The following KLF4 variants were observed in gnomAD, a reference collection of about 807,000 sequenced individuals.
The protein encoded by KLF4 is KLF transcription factor 4.
A neutral mutation model predicts 38.0 loss-of-function variants in KLF4; 14 were observed. That is an observed-to-expected ratio of 0.37 (90% CI 0.24 to 0.58). KLF4 has a LOEUF of 0.58. Among genes scored for constraint, KLF4 ranks in the 20% least tolerant of loss-of-function variants. KLF4 has a pLI of 0.76. For missense variants in KLF4, 737 were observed against 670.1 expected (o/e 1.10, Z -1.10); for synonymous variants, 398 against 302.5 (o/e 1.32, Z -3.28).
chr9:107,487,138 C>CT lies in KLF4; in HGVS notation c.1153dup (p.Arg385LysfsTer15). The CT allele has an allele frequency of 6.2e-7, 1 of 1,614,204 alleles. No individual in the cohort carries two copies. The highest frequency in any genetic ancestry group is 8.5e-7 in the Non-Finnish European group (1 of 1,180,044). On this transcript the variant is annotated frameshift_variant, in exon 4 of 5. Transcript: ENST00000374672. LOFTEE classifies it high-confidence loss of function. This position sits in a 1 kb window ranked among gnomAD's most constrained non-coding sequence, Gnocchi z 6.1. ...GGTCCTTTTCCGGGGCCACGATCGTCTTCCCCTCTTTGGCTTGGGCTCCTC... is the reference window on the plus strand; with the variant it reads ...GGTCCTTTTCCGGGGCCACGATCGTCTTTCCCCTCTTTGGCTTGGGCTCCTC...
chr9:107,487,196 G>A lies in KLF4; in HGVS notation c.1100-4C>T, dbSNP rs778152683. The A allele has an allele frequency of 1.9e-6, 3 of 1,613,834 alleles. No homozygotes were observed. The highest frequency in any genetic ancestry group is 3.3e-5 in the Admixed American group (2 of 60,000). ...CAGGAACCGGGTGGCATGAGCTCTA[G>A]GGGTGAAGAAGGTGGGGTGAGCATC... On this transcript the variant is annotated splice_region_variant and splice_polypyrimidine_tract_variant and intron_variant, in intron 3 of 4. Transcript: ENST00000374672. This position sits in a 1 kb window ranked among gnomAD's most constrained non-coding sequence, Gnocchi z 6.1.
Position 107,488,509 on chromosome 9 carries a change from G to C in KLF4, c.127-242C>G. 1 of 651,162 alleles carries C rather than the reference G, an allele frequency of 1.5e-6. No homozygotes were observed. Among genetic ancestry groups the C allele is most frequent in the Admixed American group, 3.5e-5 (1 of 28,646 alleles). The allele number at this position is 651,162 out of a possible 1,614,324, so 40.3% of individuals were successfully genotyped here. A position where few individuals can be genotyped will look rare whatever the true frequency, so the allele number is the denominator to read the frequency against. On this transcript the variant is annotated intron_variant, in intron 2 of 4. Coordinates refer to ENST00000374672, the MANE Select transcript of KLF4 (RefSeq NM_004235.6). The surrounding 1 kb of genome is among the most constrained non-coding windows in gnomAD (Gnocchi z 5.7). ...TCTGCCCAATTGCGTGTGAGCGAGC[G>C]CCGCGGCTGGTCCCTCCCCCTCCAG...
In KLF4 at chr9:107,485,768, T is replaced by A. The variant is rs761541812; in HGVS notation, c.1423A>T (p.Met475Leu). The A allele has an allele frequency of 1.9e-6, 3 of 1,595,688 alleles. No homozygotes were observed. ...FSRSDHLALH[M>L]KRHF is the part of the protein sequence containing the mutation. ...TCTGGGATTTAAAAATGCCTCTTCA[T>A]GTGTAAGGCGAGGTGGTCCGACCTG... is the stretch of plus-strand genomic sequence containing the variant. Residue 475 changes from methionine to leucine, a missense_variant, in exon 5 of 5, where the codon ATG becomes TTG. Physicochemically the swap from Met to Leu is conservative, Grantham distance 15. This residue lies in a region of KLF4 where 42 missense variants were observed against 115.5 expected (regional missense o/e 0.36). Coordinates refer to ENST00000374672, the MANE Select transcript of KLF4 (RefSeq NM_004235.6). The surrounding 1 kb of genome is among the most constrained non-coding windows in gnomAD (Gnocchi z 4.9).
Position 107,488,778 on chromosome 9 carries a change from C to T in KLF4, c.126+152G>A. On this transcript the variant is annotated intron_variant, in intron 2 of 4. Coordinates refer to ENST00000374672, the MANE Select transcript of KLF4 (RefSeq NM_004235.6). This position sits in a 1 kb window ranked among gnomAD's most constrained non-coding sequence, Gnocchi z 5.7. Reference sequence around the variant, plus strand: ...CGGGCATACACAGCTGAGCCAAGGACACGGAAGCTATCCCGGGAAGGTTGC... The same window carrying T: ...CGGGCATACACAGCTGAGCCAAGGATACGGAAGCTATCCCGGGAAGGTTGC... The T allele has an allele frequency of 1.7e-6, 2 of 1,147,902 alleles. No homozygotes were observed. Among genetic ancestry groups the T allele is most frequent in the East Asian group, 5.3e-5 (2 of 38,092 alleles). The allele number at this position is 1,147,902 out of a possible 1,614,324, so 71.1% of individuals were successfully genotyped here.
At position 107,487,286 on chromosome 9, in the gene KLF4, G is replaced by A. The variant is rs1383325399; in HGVS notation, c.1099+9C>T. 5.7e-6 allele frequency: 9 copies of A among 1,591,288 alleles called. No homozygotes were observed. The highest frequency in any genetic ancestry group is 1.3e-5 in the African/African-American group (1 of 74,630). On this transcript the variant is annotated intron_variant, in intron 3 of 4. Coordinates refer to ENST00000374672, the MANE Select transcript of KLF4 (RefSeq NM_004235.6). The surrounding 1 kb of genome is among the most constrained non-coding windows in gnomAD (Gnocchi z 6.1). ...TCCCCAGCCCGAGCTACAAATCCCC[G>A]GGACTGACCTTGGTAATGGAGCGGC...
chr9:107,488,472 T>A lies in KLF4; in HGVS notation c.127-205A>T. 1 of 885,742 alleles carries A rather than the reference T, an allele frequency of 1.1e-6. No homozygotes were observed. Among genetic ancestry groups the A allele is most frequent in the Non-Finnish European group, 1.7e-6 (1 of 602,894 alleles). 54.9% of individuals were successfully genotyped at this position (885,742 alleles called of 1,614,324 possible). A position where few individuals can be genotyped will look rare whatever the true frequency, so the allele number is the denominator to read the frequency against. Reference sequence around the variant, plus strand: ...AGAGGTGATGCGTCTGTATTGCGGGTGTTATGTCCTGTCTGCCCAATTGCG... The same window carrying A: ...AGAGGTGATGCGTCTGTATTGCGGGAGTTATGTCCTGTCTGCCCAATTGCG... On this transcript the variant is annotated intron_variant, in intron 2 of 4. Coordinates refer to ENST00000374672, the MANE Select transcript of KLF4 (RefSeq NM_004235.6). This position sits in a 1 kb window ranked among gnomAD's most constrained non-coding sequence, Gnocchi z 5.7.
intron 4 of KLF4, among the ~76,000 whole-genome samples, chr9:107,486,416 G>A (rs1829064168): frequency 1.3e-5 from 2 of 151,848 alleles, no homozygotes; most frequent in Non-Finnish European, 2.9e-5. Flanking sequence ...CATTGACATG[G>A]AAATGCTCTG....
chr9:107,488,551 C>T lies in KLF4; in HGVS notation c.127-284G>A, dbSNP rs1425457752. The T allele has an allele frequency of 6.1e-6, 3 of 495,622 alleles. No individual in the cohort carries two copies. The highest frequency in any genetic ancestry group is 1.0e-5 in the Non-Finnish European group (3 of 285,836). 30.7% of individuals were successfully genotyped at this position (495,622 alleles called of 1,614,324 possible). On this transcript the variant is annotated intron_variant, in intron 2 of 4. Coordinates refer to ENST00000374672, the MANE Select transcript of KLF4 (RefSeq NM_004235.6). This position sits in a 1 kb window ranked among gnomAD's most constrained non-coding sequence, Gnocchi z 5.7. ...CCCCTCCAGGTCCCGTGGACGTCCC[C>T]GGAATTGGCACACCGAGGCTCTCTC...
rs1059913 is a variant in KLF4 at position 107,487,450 on chromosome 9, G to A, written c.944C>T (p.Thr315Ile). The A allele has an allele frequency of 5.2e-6, 8 of 1,531,588 alleles. No homozygotes were observed. In the African/African-American group the frequency reaches 9.7e-5, roughly 18 times the overall value. The allele number at this position is 1,531,588 out of a possible 1,614,324, so 94.9% of individuals were successfully genotyped here. A position where few individuals can be genotyped will look rare whatever the true frequency, so the allele number is the denominator to read the frequency against. Residue 315 changes from threonine to isoleucine, a missense_variant, in exon 3 of 5, where the codon ACT becomes ATT. Physicochemically the swap from Thr to Ile is moderately conservative, Grantham distance 89. Transcript: ENST00000374672. The surrounding 1 kb of genome is among the most constrained non-coding windows in gnomAD (Gnocchi z 6.1). ...FPLGRQLPSR[T>I]TPTLGLEEVL... The stretch of plus-strand genomic sequence containing the variant: ...TTCCTCAAGACCCAGGGTCGGGGTA[G>A]TCCTGCTGGGGAGCTGCCGCCCCAG...
chr9:107,488,838 C>G lies in KLF4; in HGVS notation c.126+92G>C, dbSNP rs1038242376. 20 of 1,474,420 alleles carry G rather than the reference C, an allele frequency of 1.4e-5. No individual in the cohort carries two copies. The highest frequency in any genetic ancestry group is 1.8e-5 in the Non-Finnish European group (20 of 1,099,730). 91.3% of individuals were successfully genotyped at this position (1,474,420 alleles called of 1,614,324 possible). On this transcript the variant is annotated intron_variant, in intron 2 of 4. Transcript: ENST00000374672. This position sits in a 1 kb window ranked among gnomAD's most constrained non-coding sequence, Gnocchi z 5.7. ...GCGGTGGCCGCTCCTTACCCTCGTT[C>G]AGTGGCTCTTGGTGACCCCAAGGCT...
At position 107,489,206 on chromosome 9, in the gene KLF4, G is replaced by C; in HGVS notation, c.-34C>G. 1 of 1,468,484 alleles carries C rather than the reference G, an allele frequency of 6.8e-7. No homozygotes were observed. The highest frequency in any genetic ancestry group is 9.0e-7 in the Non-Finnish European group (1 of 1,107,212). The allele number at this position is 1,468,484 out of a possible 1,614,324, so 91.0% of individuals were successfully genotyped here. On this transcript the variant is annotated 5_prime_UTR_variant, in exon 1 of 5. Coordinates refer to ENST00000374672, the MANE Select transcript of KLF4 (RefSeq NM_004235.6). ...GGGCCCAGAAGGTCCTCGGCAGCCC[G>C]AAGCAGCTGGGGCACCTGAACCCCA...
At chr9:107,486,276 G>C (rs1829061411) in intron 4 of KLF4, among the ~76,000 whole-genome samples, 1 of 152,052 alleles carries the variant, frequency 6.6e-6, no homozygotes, top group Non-Finnish European at 1.5e-5. Context: ...ATTGTGATTG[G>C]TAGTGTGCCC....
rs759245084 is a variant in KLF4, at chr9:107,487,827, G to A, written c.567C>T (p.Asp189=). ...PPPTAPFNLA[D]INDVSPSGGF... is the part of the protein sequence containing the mutation. Reference sequence around the variant, plus strand: ...CGCCCGAGGGGCTCACGTCGTTGATGTCCGCCAGGTTGAAGGGAGCCGTCG... The same window carrying A: ...CGCCCGAGGGGCTCACGTCGTTGATATCCGCCAGGTTGAAGGGAGCCGTCG... The change falls in exon 3 of 5, where the codon GAC becomes GAT. Residue 189 remains aspartate, a synonymous_variant. Coordinates refer to ENST00000374672, the MANE Select transcript of KLF4 (RefSeq NM_004235.6). This position sits in a 1 kb window ranked among gnomAD's most constrained non-coding sequence, Gnocchi z 6.1. The A allele has an allele frequency of 2.6e-6, 4 of 1,528,544 alleles. No homozygotes were observed. The highest frequency in any genetic ancestry group is 3.5e-6 in the Non-Finnish European group (4 of 1,135,354). 94.7% of individuals were successfully genotyped at this position (1,528,544 alleles called of 1,614,324 possible).
chr9:107,485,543 A>G lies in KLF4; in HGVS notation c.*208T>C. On this transcript the variant is annotated 3_prime_UTR_variant, in exon 5 of 5. Transcript: ENST00000374672. This position sits in a 1 kb window ranked among gnomAD's most constrained non-coding sequence, Gnocchi z 4.9. ...TTAGAATTGGAATGATAGAAGATCCAGTCACAGACCCCATCTGTTCTTTGA... is the reference window on the plus strand; with the variant it reads ...TTAGAATTGGAATGATAGAAGATCCGGTCACAGACCCCATCTGTTCTTTGA... 1.2e-5 allele frequency: 6 copies of G among 481,654 alleles called. No homozygotes were observed. Among genetic ancestry groups the G allele is most frequent in the Non-Finnish European group, 1.8e-5 (5 of 278,860 alleles). The allele number at this position is 481,654 out of a possible 1,614,324, so 29.8% of individuals were successfully genotyped here.
At position 107,487,213 on chromosome 9, in the gene KLF4, G is replaced by A; in HGVS notation, c.1100-21C>T. On this transcript the variant is annotated intron_variant, in intron 3 of 4. Transcript: ENST00000374672. The surrounding 1 kb of genome is among the most constrained non-coding windows in gnomAD (Gnocchi z 6.1). ...GAGCTCTAGGGGTGAAGAAGGTGGGGTGAGCATCATCCCGTGTGTCCCGAA... is the reference window on the plus strand; with the variant it reads ...GAGCTCTAGGGGTGAAGAAGGTGGGATGAGCATCATCCCGTGTGTCCCGAA... The A allele has an allele frequency of 1.2e-6, 2 of 1,612,754 alleles. No homozygotes were observed. Among genetic ancestry groups the A allele is most frequent in the Non-Finnish European group, 1.7e-6 (2 of 1,179,226 alleles).
In KLF4 at chr9:107,488,757, C is replaced by A. The variant is rs1312348315; in HGVS notation, c.126+173G>T. ...GGCTCCGCAGTGCTCGCACCACGGG[C>A]ATACACAGCTGAGCCAAGGACACGG... On this transcript the variant is annotated intron_variant, in intron 2 of 4. Coordinates refer to ENST00000374672, the MANE Select transcript of KLF4 (RefSeq NM_004235.6). The surrounding 1 kb of genome is among the most constrained non-coding windows in gnomAD (Gnocchi z 5.7). Among the ~76,000 whole-genome samples the A allele has an allele frequency of 2.0e-5, 3 of 152,196 alleles. No homozygotes were observed. The highest frequency in any genetic ancestry group is 2.1e-4 in the South Asian group (1 of 4,832).
In KLF4 at chr9:107,485,786, CCGACCTG is replaced by C; in HGVS notation, c.1398_1404del (p.Arg467ThrfsTer7). On this transcript the variant is annotated frameshift_variant, in exon 5 of 5. Coordinates refer to ENST00000374672, the MANE Select transcript of KLF4 (RefSeq NM_004235.6). LOFTEE classifies it high-confidence loss of function. This position sits in a 1 kb window ranked among gnomAD's most constrained non-coding sequence, Gnocchi z 4.9. ...CTCTTCATGTGTAAGGCGAGGTGGT[CCGACCTG>C]GAAAATGCTCGGTCGCATTTTTGGC... 1 of 1,606,394 alleles carries C rather than the reference CCGACCTG, an allele frequency of 6.2e-7. No homozygotes were observed.
In KLF4 at chr9:107,488,478, G is replaced by C. The variant is rs189469159; in HGVS notation, c.127-211C>G. ...GATGCGTCTGTATTGCGGGTGTTAT[G>C]TCCTGTCTGCCCAATTGCGTGTGAG... On this transcript the variant is annotated intron_variant, in intron 2 of 4. Coordinates refer to ENST00000374672, the MANE Select transcript of KLF4 (RefSeq NM_004235.6). The surrounding 1 kb of genome is among the most constrained non-coding windows in gnomAD (Gnocchi z 5.7). The C allele has an allele frequency of 9.3e-6, 8 of 860,296 alleles. No homozygotes were observed. The highest frequency in any genetic ancestry group is 1.4e-5 in the Non-Finnish European group (8 of 580,072). 53.3% of individuals were successfully genotyped at this position (860,296 alleles called of 1,614,324 possible). A position where few individuals can be genotyped will look rare whatever the true frequency, so the allele number is the denominator to read the frequency against.
Position 107,485,794 on chromosome 9 carries a change from G to GTTTCATTAA in KLF4, c.1396_1397insTTAATGAAA (p.Ser466delinsPheAsnGluThr). 6.3e-7 allele frequency: 1 copy of GTTTCATTAA among 1,591,936 alleles called. No homozygotes were observed. ...GTGTAAGGCGAGGTGGTCCGACCTGGAAAATGCTCGGTCGCATTTTTGGCA... is the reference window on the plus strand; with the variant it reads ...GTGTAAGGCGAGGTGGTCCGACCTGGTTTCATTAAAAAATGCTCGGTCGCATTTTTGGCA... On this transcript the variant is annotated protein_altering_variant, in exon 5 of 5. Transcript: ENST00000374672. This position sits in a 1 kb window ranked among gnomAD's most constrained non-coding sequence, Gnocchi z 4.9.
Sources: gnomAD v4.1 joint callset for allele counts (sites outside exome capture counted in the v4.1 genomes callset) on GRCh38, gnomAD v4.1.1 for gene constraint, gnomAD v4.1.1 regional missense constraint, Gnocchi (gnomAD v3.1) non-coding constraint, MANE v1.5 for transcripts, NCBI Gene and HGNC (gene_info 2026-07-23, HGNC 2026-07-21) for gene names.